The following SETD2 variants were observed in gnomAD, a reference collection of about 807,000 sequenced individuals.
The protein encoded by SETD2 is SET domain containing 2, histone lysine methyltransferase.
A neutral mutation model predicts 242.1 loss-of-function variants in SETD2; 31 were observed. The observed-to-expected ratio is 0.13, with a 90% CI of 0.10 to 0.17. SETD2 has a LOEUF of 0.17. Among genes scored for constraint, SETD2 ranks in the 10% least tolerant of loss-of-function variants. The probability of loss-of-function intolerance (pLI) is 1.00; values close to 1 mark genes in which losing one functional copy is unlikely to be tolerated. For missense variants in SETD2, 2,481 were observed against 3,046.3 expected (o/e 0.81, Z 4.37); for synonymous variants, 1,006 against 1,066.5 (o/e 0.94, Z 1.11).
chr3:47,151,459 C>T (rs1575849854), intron 1 of SETD2, among the ~76,000 whole-genome samples: 1 of 152,108 alleles, frequency 6.6e-6, no homozygotes, highest in East Asian at 1.9e-4. Context: ...CACACATACG[C>T]ACAACTGGAA....
rs1285540956 is a variant in SETD2, at chr3:47,083,990, T to C, written c.5790A>G (p.Pro1930=). ...EEELQSQQLL[P]QQLPECKVDS... Reference sequence around the variant, plus strand: ...CAACTTTGCATTCAGGCAGCTGTTGTGGGAGTAGCTGTTGTGACTGCAATT... The same window carrying C: ...CAACTTTGCATTCAGGCAGCTGTTGCGGGAGTAGCTGTTGTGACTGCAATT... Residue 1930 remains proline, a synonymous_variant, in exon 12 of 21, where the codon CCA becomes CCG. Transcript: ENST00000409792. 3 of 1,614,028 alleles carry C rather than the reference T, an allele frequency of 1.9e-6. No individual in the cohort carries two copies. Among genetic ancestry groups the C allele is most frequent in the East Asian group, 4.5e-5 (2 of 44,900 alleles).
intron 9 of SETD2, among the ~76,000 whole-genome samples, chr3:47,092,733 T>C (rs1051993323): frequency 5.9e-5 from 9 of 151,952 alleles, no homozygotes; most frequent in African/African-American, 1.9e-4. Context: ...GTATGCAGAA[T>C]ACACATATAG....
chr3:47,142,634 G>A (rs2043757035), intron 1 of SETD2, among the ~76,000 whole-genome samples: 2 of 151,934 alleles, frequency 1.3e-5, no homozygotes, highest in African/African-American at 4.8e-5. Context: ...TCGTGGTGGG[G>A]GGAGGTGGGG....
At chr3:47,082,336 A>C (rs1034783201) in intron 12 of SETD2, among the ~76,000 whole-genome samples, 1 of 152,222 alleles carries the variant, frequency 6.6e-6, no homozygotes, top group Admixed American at 6.5e-5. Context: ...ACAGCTATAA[A>C]GGCCTTTTCT....
Position 47,163,862 on chromosome 3 carries a change from C to T in SETD2, c.63G>A (p.Pro21=). Residue 21 remains proline (P), a synonymous_variant, in exon 1 of 21, where the codon CCG becomes CCA. Transcript: ENST00000409792. Reference sequence around the variant, plus strand: ...GCGGAGCTGATACTTACTCAGGGGTCGGGTGCTCCGGGTCGTAGAAATCCC... The same window carrying T: ...GCGGAGCTGATACTTACTCAGGGGTTGGGTGCTCCGGGTCGTAGAAATCCC... The part of the protein sequence containing the change: ...KMGDFYDPEH[P]TPEEEENEAK... 7.6e-7 allele frequency: 1 copy of T among 1,308,422 alleles called. No homozygotes were observed. Among genetic ancestry groups the T allele is most frequent in the Non-Finnish European group, 9.8e-7 (1 of 1,022,108 alleles). 81.1% of individuals were successfully genotyped at this position (1,308,422 alleles called of 1,614,324 possible).
At chr3:47,081,318 G>A (rs1575740618) in intron 12 of SETD2, among the ~76,000 whole-genome samples, 2 of 152,280 alleles carry the variant, frequency 1.3e-5, no homozygotes, top group Admixed American at 6.5e-5. Context: ...CAATGTTATG[G>A]TGGCCCCCGG....
chr3:47,037,236 C>T (rs1324215176), intron 18 of SETD2, among the ~76,000 whole-genome samples: 1 of 149,198 alleles, frequency 6.7e-6, no homozygotes, highest in African/African-American at 2.5e-5. Context: ...CCCATTAACT[C>T]GTCATTTAGC....
At chr3:47,145,046 A>C (rs188595257) in intron 1 of SETD2, among the ~76,000 whole-genome samples, 14 of 152,360 alleles carry the variant, frequency 9.2e-5, no homozygotes, top group African/African-American at 1.7e-4. Context: ...TATTATATCC[A>C]AAAGTTAAAG....
intron 1 of SETD2, among the ~76,000 whole-genome samples, chr3:47,149,156 G>A (rs1205537520): frequency 1.3e-5 from 2 of 152,150 alleles, no homozygotes; most frequent in East Asian, 1.9e-4. Context: ...AAATCCAGTT[G>A]TTTATGAATG....
At chr3:47,135,752 C>A (rs2043577415) in intron 1 of SETD2, among the ~76,000 whole-genome samples, 2 of 152,314 alleles carry the variant, frequency 1.3e-5, no homozygotes, top group South Asian at 4.1e-4. Flanking sequence ...ATCTCCATGA[C>A]CACTCTCAAT....
intron 1 of SETD2, among the ~76,000 whole-genome samples, chr3:47,129,936 T>C (rs1234713531): frequency 6.6e-6 from 1 of 150,540 alleles, no homozygotes; most frequent in Admixed American, 6.6e-5. Flanking sequence ...TCTGACATAA[T>C]TAGTTGAAAG....
rs34309892 is a variant in SETD2 at position 47,040,569 on chromosome 3, A to ATTTTTTTTT, written c.7238+1983_7238+1991dup. On this transcript the variant is annotated intron_variant, in intron 17 of 20. Transcript: ENST00000409792. ...AAAATAGATGACATGAGGGAAAAGG[A>ATTTTTTTTT]TTTTTTTTTTTTTTTTTTTTTTGGA... is the stretch of plus-strand genomic sequence containing the variant. Among the ~76,000 whole-genome samples, 154 of 91,698 alleles carry ATTTTTTTTT rather than the reference A, an allele frequency of 1.7e-3. 8 individuals are homozygous for ATTTTTTTTT. The highest frequency in any genetic ancestry group is 9.9e-3 in the East Asian group (27 of 2,734). The allele number at this position is 91,698 out of a possible 152,430, so 60.2% of individuals were successfully genotyped here. A position where few individuals can be genotyped will look rare whatever the true frequency, so the allele number is the denominator to read the frequency against.
At chr3:47,035,509 T>C (rs763196293) in intron 18 of SETD2, among the ~76,000 whole-genome samples, 24 of 152,268 alleles carry the variant, frequency 1.6e-4, no homozygotes, top group Non-Finnish European at 2.9e-4. Flanking sequence ...GCTAGTTTGA[T>C]GACCTGGATT....
In SETD2 at chr3:47,123,293, C is replaced by T. The variant is rs564020755; in HGVS notation, c.1343G>A (p.Arg448Gln). 2.6e-5 allele frequency: 41 copies of T among 1,551,782 alleles called. No homozygotes were observed. In the South Asian group the frequency reaches 4.6e-4, roughly 18 times the overall value. The change falls in exon 3 of 21, where the codon CGG (arginine) becomes CAG (glutamine). Residue 448 changes from arginine to glutamine, a missense_variant. Around this residue, in one of 17 missense-constraint regions of SETD2, gnomAD observed 1,300 missense variants for 1,259.2 expected, o/e 1.03. Transcript: ENST00000409792. ...TCGTGCTCTGTTATCTGTGTATGGC[C>T]GAGAATAGCGCGTCCTCTCTCGATA... is the stretch of plus-strand genomic sequence containing the variant. ...SPYRERTRYSRPYTDNRARES... is the reference protein window; with the variant it reads ...SPYRERTRYSQPYTDNRARES...
At chr3:47,111,789 TGA>T (rs1449493045) in intron 5 of SETD2, among the ~76,000 whole-genome samples, 3 of 150,714 alleles carry the variant, frequency 2.0e-5, no homozygotes, top group Admixed American at 2.0e-4. Context: ...AAAAGATATA[TGA>T]GGATTCCTGT....
chr3:47,023,489 CAGG>C (rs926228844), intron 18 of SETD2, among the ~76,000 whole-genome samples: 11 of 151,992 alleles, frequency 7.2e-5, no homozygotes, highest in African/African-American at 2.2e-4. Flanking sequence ...AATCCAGAAG[CAGG>C]AGGAGAAGCT....
chr3:47,052,279 T>TC (rs771179120), intron 15 of SETD2, among the ~76,000 whole-genome samples: 76 of 152,210 alleles, frequency 5.0e-4, no homozygotes, highest in Admixed American at 7.8e-4. Context: ...TAAGCAATCT[T>TC]CCCACCTCAG....
chr3:47,045,934 T>C (rs2039505435), intron 16 of SETD2, among the ~76,000 whole-genome samples: 1 of 151,234 alleles, frequency 6.6e-6, no homozygotes, highest in Non-Finnish European at 1.5e-5. Context: ...GAGCAAAATA[T>C]GTATTAACGG....
rs1470326034 is a variant in SETD2, at chr3:47,057,336, G to A, written c.6448C>T (p.Leu2150=). 10 of 1,614,226 alleles carry A rather than the reference G, an allele frequency of 6.2e-6. No individual in the cohort carries two copies. The highest frequency in any genetic ancestry group is 8.5e-6 in the Non-Finnish European group (10 of 1,180,046). The part of the protein sequence containing the change: ...QMQNLGMTSP[L]PYDSLGYNAP... ...TTATAACCAAGAGAGTCATAGGGCAGTGGTGATGTCATTCCCAGGTTCTGC... is the reference window on the plus strand; with the variant it reads ...TTATAACCAAGAGAGTCATAGGGCAATGGTGATGTCATTCCCAGGTTCTGC... Residue 2150 remains leucine (L), a synonymous_variant, in exon 15 of 21, where the codon CTG becomes TTG. Transcript: ENST00000409792.
Sources: gnomAD v4.1 joint callset for allele counts (sites outside exome capture counted in the v4.1 genomes callset) on GRCh38, gnomAD v4.1.1 for gene constraint, gnomAD v4.1.1 regional missense constraint, MANE v1.5 for transcripts, NCBI Gene and HGNC (gene_info 2026-07-23, HGNC 2026-07-21) for gene names.